EIF2AK2: variants seen among roughly 807,000 people sequenced by gnomAD.
EIF2AK2 encodes interferon-induced, double-stranded RNA-activated protein kinase.
EIF2AK2 carries 40 observed loss-of-function variants against 70.5 expected under a neutral mutation model. The observed-to-expected ratio is 0.57, with a 90% confidence interval of 0.44 to 0.74. The LOEUF is 0.74. Ranked by LOEUF, EIF2AK2 falls within the 30% of genes least tolerant of loss-of-function variation. EIF2AK2 has a pLI of 0.00. For missense variants in EIF2AK2, 555 were observed against 644.3 expected (o/e 0.86, Z 1.50); for synonymous variants, 198 against 220.9 (o/e 0.90, Z 0.92).
At chr2:37,146,762 C>CTTTACTCTG in intron 4 of EIF2AK2, 91 bp downstream of exon 4, 1 of 1,499,788 alleles carries the variant, frequency 6.7e-7, no homozygotes, top group Non-Finnish European at 9.0e-7. Context: ...GTGTGAATGG[C>CTTTACTCTG]TTTACTCTGT....
intron 10 of EIF2AK2, among the ~76,000 whole-genome samples, chr2:37,130,964 A>G (rs1482739778): frequency 2.0e-5 from 3 of 152,230 alleles, no homozygotes; most frequent in African/African-American, 7.2e-5. Flanking sequence ...AGGATTAATC[A>G]TAACTCCAAA....
At chr2:37,114,932 G>C in intron 13 of EIF2AK2, 73 bp from the exon 14 acceptor site, 1 of 1,040,328 alleles carries the variant, frequency 9.6e-7, no homozygotes. Flanking sequence ...ATTATATACA[G>C]AAAAGACTAT....
intron 14 of EIF2AK2, among the ~76,000 whole-genome samples, chr2:37,114,236 G>C (rs1674258657): frequency 6.6e-6 from 1 of 152,050 alleles, no homozygotes; most frequent in Admixed American, 6.6e-5. Flanking sequence ...AGATTTTGAG[G>C]CTGCAGTGAG....
rs541938748 is a variant in EIF2AK2 at position 37,148,893 on chromosome 2, T to C, written c.-53A>G. 120 of 830,696 alleles carry C rather than the reference T, an allele frequency of 1.4e-4. No individual in the cohort carries two copies. Among genetic ancestry groups the C allele is most frequent in the Non-Finnish European group, 2.4e-4 (114 of 466,208 alleles). 51.5% of individuals were successfully genotyped at this position (830,696 alleles called of 1,614,324 possible). On this transcript the variant is annotated 5_prime_UTR_variant, in exon 2 of 17. Transcript: ENST00000233057. ...CTTTGTCCAAAATGCACGCAGATAA[T>C]CACGGAAGTGTGGATGTTGATTCTG...
intron 8 of EIF2AK2, 141 bp downstream of exon 8, chr2:37,138,129 T>C (rs1168977950): frequency 2.1e-6 from 1 of 482,154 alleles, no homozygotes; most frequent in Non-Finnish European, 3.4e-6. Flanking sequence ...AAAAAAAAAG[T>C]CTACTGAGGT....
chr2:37,130,349 C>A (rs899734867), intron 10 of EIF2AK2, among the ~76,000 whole-genome samples: 2 of 152,148 alleles, frequency 1.3e-5, no homozygotes, highest in African/African-American at 2.4e-5. Flanking sequence ...GTGATCCACC[C>A]GCCTTGGCCT....
rs1156405359 is a variant in EIF2AK2, at chr2:37,148,778, C to A, written c.-17+79G>T. ...TGACCCATTTAACATACACAAAAAA[C>A]TAGCCCCCCAGAATTTGCATGTAAT... On this transcript the variant is annotated intron_variant, in intron 2 of 16. Transcript: ENST00000233057. 9.7e-6 allele frequency: 8 copies of A among 820,752 alleles called. No homozygotes were observed. The East Asian group carries it at 2.0e-4, about 20-fold the overall frequency. The allele number at this position is 820,752 out of a possible 1,614,324, so 50.8% of individuals were successfully genotyped here.
chr2:37,133,950 T>C (rs546659347), intron 10 of EIF2AK2, among the ~76,000 whole-genome samples: 2 of 152,178 alleles, frequency 1.3e-5, no homozygotes, highest in Non-Finnish European at 2.9e-5. Context: ...ACCTCACCGA[T>C]ACAACCACTC....
At chr2:37,140,038 AT>A (rs5830457) in intron 5 of EIF2AK2, among the ~76,000 whole-genome samples, 135,334 of 150,748 alleles carry the variant, frequency 0.9, 60,935 homozygotes, top group East Asian at 1. Context: ...CTAAGTGGTG[AT>A]TTTTTTTTTT....
chr2:37,108,416 A>G (rs1674035689), intron 15 of EIF2AK2, among the ~76,000 whole-genome samples: 1 of 152,170 alleles, frequency 6.6e-6, no homozygotes, highest in Non-Finnish European at 1.5e-5. Flanking sequence ...TTCAGAGCCC[A>G]GCTTAGATGT....
At position 37,137,037 on chromosome 2, in the gene EIF2AK2, G is replaced by C. The variant is rs763534485; in HGVS notation, c.688-20C>G. On this transcript the variant is annotated intron_variant, in intron 8 of 16. Transcript: ENST00000233057. Reference sequence around the variant, plus strand: ...ACCATTCTATAACAAAAGAAAATGAGAAATAGTTTCAGATGACTAAATCAG... The same window carrying C: ...ACCATTCTATAACAAAAGAAAATGACAAATAGTTTCAGATGACTAAATCAG... The C allele has an allele frequency of 6.3e-7, 1 of 1,593,250 alleles. No individual in the cohort carries two copies. Among genetic ancestry groups the C allele is most frequent in the Non-Finnish European group, 8.5e-7 (1 of 1,169,826 alleles).
chr2:37,150,290 G>A (rs1458106311), intron 1 of EIF2AK2, among the ~76,000 whole-genome samples: 3 of 151,984 alleles, frequency 2.0e-5, no homozygotes, highest in African/African-American at 7.3e-5. Context: ...TAGAAAAGAT[G>A]CTTACTCAGT....
intron 11 of EIF2AK2, among the ~76,000 whole-genome samples, 156 bp from the exon 12 acceptor site, chr2:37,122,820 G>T (rs1333597036): frequency 6.6e-6 from 1 of 152,094 alleles, no homozygotes; most frequent in Non-Finnish European, 1.5e-5. Flanking sequence ...ACATTCAAAA[G>T]GAAAAAGTGA....
chr2:37,131,736 C>T (rs949148320), intron 10 of EIF2AK2, among the ~76,000 whole-genome samples: 3 of 152,088 alleles, frequency 2.0e-5, no homozygotes, highest in Admixed American at 6.6e-5. Flanking sequence ...AAACCCTCCC[C>T]GCCAAGCAGG....
intron 11 of EIF2AK2, among the ~76,000 whole-genome samples, chr2:37,124,188 G>T (rs895741480): frequency 2.0e-5 from 3 of 151,908 alleles, no homozygotes; most frequent in Non-Finnish European, 2.9e-5. Flanking sequence ...GGTTGGTCTC[G>T]CACTCCTGAC....
At chr2:37,120,175 A>G (rs770149323) in intron 12 of EIF2AK2, 36 bp from the exon 13 acceptor site, 7 of 1,232,350 alleles carry the variant, frequency 5.7e-6, no homozygotes, top group Non-Finnish European at 7.3e-6. Context: ...AAAAGTAACA[A>G]TAAATATAAA....
intron 13 of EIF2AK2, among the ~76,000 whole-genome samples, chr2:37,119,672 A>G (rs1674467034): frequency 6.6e-6 from 1 of 151,200 alleles, no homozygotes; most frequent in Non-Finnish European, 1.5e-5. Flanking sequence ...GCTCACTGCA[A>G]CCTCCACCTC....
intron 11 of EIF2AK2, among the ~76,000 whole-genome samples, chr2:37,125,950 A>G (rs1674714742): frequency 1.3e-5 from 2 of 152,180 alleles, no homozygotes; most frequent in Admixed American, 1.3e-4. Context: ...AAGATCACCT[A>G]TTTTGTGGGT....
intron 15 of EIF2AK2, among the ~76,000 whole-genome samples, chr2:37,107,817 T>C (rs1164919813): frequency 6.6e-6 from 1 of 152,160 alleles, no homozygotes; most frequent in Non-Finnish European, 1.5e-5. Flanking sequence ...GATAAGGTTA[T>C]TGACTCCAGG....
Sources: gnomAD v4.1 joint callset for allele counts (sites outside exome capture counted in the v4.1 genomes callset) on GRCh38, gnomAD v4.1.1 for gene constraint, MANE v1.5 for transcripts, NCBI Gene and HGNC (gene_info 2026-07-23, HGNC 2026-07-21) for gene names.